The following EHD1 variants were observed in gnomAD, a reference collection of about 807,000 sequenced individuals.
EHD1 encodes the protein EH domain-containing protein 1.
A neutral mutation model predicts 39.0 loss-of-function variants in EHD1; 19 were observed. That is an observed-to-expected ratio of 0.49 (90% CI 0.34 to 0.72). The LOEUF (loss-of-function observed/expected upper bound fraction) is 0.72. Among genes scored for constraint, EHD1 ranks in the 30% least tolerant of loss-of-function variants. The pLI is 0.01. For missense variants in EHD1, 542 were observed against 751.5 expected, an observed-to-expected ratio of 0.72 and a Z score of 3.26; for synonymous variants, 323 against 331.2, an observed-to-expected ratio of 0.98 and a Z score of 0.27.
chr11:64,877,814 T>A lies in EHD1; in HGVS notation c.404+247A>T, dbSNP rs1320323994. On this transcript the variant is annotated intron_variant, in intron 1 of 4. Transcript: ENST00000320631. ...GTGGGGCTGGGATCTGCAGGAGGGC[T>A]TGGTGGTTACCCTGGAAGATTCTGG... 1.3e-5 allele frequency: 5 copies of A among 392,242 alleles called. No homozygotes were observed. The East Asian group carries it at 1.9e-4, about 15-fold the overall frequency. The allele number at this position is 392,242 out of a possible 1,614,324, so 24.3% of individuals were successfully genotyped here.
At chr11:64,872,303 A>T (rs1485672728) in intron 2 of EHD1, among the ~76,000 whole-genome samples, 1 of 152,170 alleles carries the variant, frequency 6.6e-6, no homozygotes, top group Non-Finnish European at 1.5e-5. Context: ...TCTACTAAAA[A>T]TATAAAAATT....
intron 2 of EHD1, among the ~76,000 whole-genome samples, chr11:64,867,516 C>T (rs1398514272): frequency 2.0e-5 from 3 of 151,720 alleles, no homozygotes; most frequent in Non-Finnish European, 4.4e-5. Flanking sequence ...GTCAAGAGTT[C>T]GAGACCAGCC....
chr11:64,879,063 C>T (rs1266978076), upstream of EHD1: 4 of 999,862 alleles, frequency 4.0e-6, no homozygotes, highest in Non-Finnish European at 4.8e-6. Flanking sequence ...GGCTCGGAAT[C>T]CCCGGAAGCA....
upstream of EHD1, chr11:64,878,728 CT>C: frequency 7.5e-7 from 1 of 1,326,274 alleles, no homozygotes; most frequent in Non-Finnish European, 9.6e-7. Flanking sequence ...GGAGGAGCCC[CT>C]CCCAGCCCCG....
intron 2 of EHD1, among the ~76,000 whole-genome samples, chr11:64,861,366 CGA>C (rs950652178): frequency 6.6e-6 from 1 of 152,094 alleles, no homozygotes; most frequent in Non-Finnish European, 1.5e-5. Flanking sequence ...CAGAGGAGGG[CGA>C]GAGTGAGGAG....
Position 64,853,574 on chromosome 11 carries a change from AAC to A in EHD1, c.*757_*758del, listed in dbSNP as rs1943607130. ...GGGGAGACAAAAATCACAGCTTTTGAACAGTGGTTGGGAAGTTATTGGGAACT... is the reference window on the plus strand; with the variant it reads ...GGGGAGACAAAAATCACAGCTTTTGAAGTGGTTGGGAAGTTATTGGGAACT... On this transcript the variant is annotated 3_prime_UTR_variant, in exon 5 of 5. Coordinates refer to ENST00000320631, the MANE Select transcript of EHD1 (RefSeq NM_006795.4). The A allele has an allele frequency of 1.3e-5, 2 of 152,668 alleles. No homozygotes were observed. The allele number at this position is 152,668 out of a possible 1,614,324, so 9.5% of individuals were successfully genotyped here.
chr11:64,878,524 G>C lies in EHD1; in HGVS notation c.-60C>G. ...AGCGGCGGCTGAGAGCGGGGCGAGG[G>C]TGCGGAGCCGAGGCGGGGCCGGCCG... On this transcript the variant is annotated 5_prime_UTR_variant, in exon 1 of 5. Transcript: ENST00000320631. 6.6e-7 allele frequency: 1 copy of C among 1,518,528 alleles called. No individual in the cohort carries two copies. The highest frequency in any genetic ancestry group is 8.8e-7 in the Non-Finnish European group (1 of 1,137,290). The allele number at this position is 1,518,528 out of a possible 1,614,324, so 94.1% of individuals were successfully genotyped here. A position where few individuals can be genotyped will look rare whatever the true frequency, so the allele number is the denominator to read the frequency against.
upstream of EHD1, chr11:64,878,854 G>A (rs1300678944): frequency 1.6e-5 from 18 of 1,103,536 alleles, no homozygotes; most frequent in South Asian, 3.4e-5. Context: ...CCCGCCCCTC[G>A]TAGGGAGGCT....
At chr11:64,867,028 G>A (rs1000348967) in intron 2 of EHD1, among the ~76,000 whole-genome samples, 1 of 152,156 alleles carries the variant, frequency 6.6e-6, no homozygotes, top group African/African-American at 2.4e-5. Flanking sequence ...CTGGATGGTG[G>A]TGACGGCTGA....
At chr11:64,867,849 C>T (rs543981800) in intron 2 of EHD1, among the ~76,000 whole-genome samples, 1 of 152,360 alleles carries the variant, frequency 6.6e-6, no homozygotes, top group East Asian at 1.9e-4. Flanking sequence ...AGAGTGGCTC[C>T]GGGCAACCAG....
chr11:64,856,313 C>T (rs1316268124), intron 3 of EHD1: 1 of 152,524 alleles, frequency 6.6e-6, no homozygotes, highest in Admixed American at 6.5e-5. Flanking sequence ...CCGATGGAGC[C>T]CACAGAACTC....
chr11:64,855,842 T>C (rs866554629), intron 3 of EHD1: 3 of 290,068 alleles, frequency 1.0e-5, no homozygotes, highest in South Asian at 9.8e-5. Flanking sequence ...ACTGGGCACA[T>C]CACACACCCT....
intron 4 of EHD1, 31 bp from the exon 5 acceptor site, chr11:64,854,888 G>A: frequency 6.3e-7 from 1 of 1,586,456 alleles, no homozygotes; most frequent in Non-Finnish European, 8.5e-7. Context: ...ACAAGGGCTG[G>A]GAAGGGAGGC....
At chr11:64,874,825 C>A (rs1943868462) in intron 1 of EHD1, among the ~76,000 whole-genome samples, 1 of 152,202 alleles carries the variant, frequency 6.6e-6, no homozygotes, top group African/African-American at 2.4e-5. Flanking sequence ...ACTGTGCAAG[C>A]CTAGGTCACC....
At position 64,878,574 on chromosome 11, in the gene EHD1, C is replaced by T; in HGVS notation, c.-110G>A. 6.9e-7 allele frequency: 1 copy of T among 1,451,606 alleles called. No individual in the cohort carries two copies. Among genetic ancestry groups the T allele is most frequent in the Non-Finnish European group, 9.0e-7 (1 of 1,107,628 alleles). 89.9% of individuals were successfully genotyped at this position (1,451,606 alleles called of 1,614,324 possible). ...GGGGCAGGGAATCGGGAGCGACCCACACTGCGCAGGCGCACAGCCCAGCCC... is the reference window on the plus strand; with the variant it reads ...GGGGCAGGGAATCGGGAGCGACCCATACTGCGCAGGCGCACAGCCCAGCCC... On this transcript the variant is annotated 5_prime_UTR_variant, in exon 1 of 5. The change creates a new upstream start codon in the 5' untranslated region. Transcript: ENST00000320631.
chr11:64,878,563 G>T lies in EHD1; in HGVS notation c.-99C>A, dbSNP rs963111447. On this transcript the variant is annotated 5_prime_UTR_variant, in exon 1 of 5. Transcript: ENST00000320631. ...CGGGGCCGGCCGGGGCAGGGAATCG[G>T]GAGCGACCCACACTGCGCAGGCGCA... is the stretch of plus-strand genomic sequence containing the variant. 6.8e-6 allele frequency: 10 copies of T among 1,462,708 alleles called. No homozygotes were observed. The highest frequency in any genetic ancestry group is 1.4e-5 in the African/African-American group (1 of 70,914). The allele number at this position is 1,462,708 out of a possible 1,614,324, so 90.6% of individuals were successfully genotyped here. A position where few individuals can be genotyped will look rare whatever the true frequency, so the allele number is the denominator to read the frequency against.
chr11:64,865,214 C>T (rs1300983380), intron 2 of EHD1, among the ~76,000 whole-genome samples: 1 of 152,288 alleles, frequency 6.6e-6, no homozygotes, highest in Non-Finnish European at 1.5e-5. Flanking sequence ...CACGTAACTG[C>T]ACGCCCCACC....
chr11:64,863,548 G>C (rs1177191909), intron 2 of EHD1, among the ~76,000 whole-genome samples: 2 of 152,218 alleles, frequency 1.3e-5, no homozygotes, highest in Non-Finnish European at 2.9e-5. Context: ...CTCCTGAGAG[G>C]CTGCCTCTAC....
rs540607057 is a variant in EHD1 at position 64,878,044 on chromosome 11, G to C, written c.404+17C>G. ...CCCCGGACGCGCCCCCCGCCCCCTG[G>C]AGTGATGGGTGGGTACCTGTTGAGG... is the stretch of plus-strand genomic sequence containing the variant. On this transcript the variant is annotated intron_variant, in intron 1 of 4. Transcript: ENST00000320631. The C allele has an allele frequency of 2.0e-6, 3 of 1,495,262 alleles. No individual in the cohort carries two copies. The highest frequency in any genetic ancestry group is 4.6e-5 in the Admixed American group (2 of 43,554). The allele number at this position is 1,495,262 out of a possible 1,614,324, so 92.6% of individuals were successfully genotyped here.
Sources: allele counts gnomAD v4.1 joint callset (sites outside exome capture counted in the v4.1 genomes callset), GRCh38; gene constraint gnomAD v4.1.1; transcripts MANE v1.5; gene names NCBI Gene and HGNC (gene_info 2026-07-23, HGNC 2026-07-21).